NFIC: variants seen among roughly 807,000 people sequenced by gnomAD.
The protein encoded by NFIC is nuclear factor 1 C-type.
NFIC carries 12 observed loss-of-function variants against 54.4 expected under a neutral mutation model. That is an observed-to-expected ratio of 0.22 (90% CI 0.14 to 0.36). NFIC has a LOEUF of 0.36. Ranked by LOEUF, NFIC falls within the 10% of genes least tolerant of loss-of-function variation. The probability of loss-of-function intolerance (pLI) is 1.00; values close to 1 mark genes in which losing one functional copy is unlikely to be tolerated. For synonymous variants in NFIC, 322 were observed against 319.2 expected (o/e 1.01, Z -0.09); for missense variants, 575 against 718.2 (o/e 0.80, Z 2.28).
Position 3,434,937 on chromosome 19 carries a change from T to C in NFIC, c.834-146T>C, listed in dbSNP as rs11879885. ...GAACAGGCGTTCGTAGGGAACGGGC[T>C]GAACGCCCGCGGCTCCCGCGATGTC... On this transcript the variant is annotated intron_variant, in intron 5 of 10. Coordinates refer to ENST00000443272, the MANE Select transcript of NFIC (RefSeq NM_001245002.2). 245 of 1,145,882 alleles carry C rather than the reference T, an allele frequency of 2.1e-4. No homozygotes were observed. The African/African-American group carries it at 3.4e-3, about 16-fold the overall frequency. The allele number at this position is 1,145,882 out of a possible 1,614,324, so 71.0% of individuals were successfully genotyped here. A position where few individuals can be genotyped will look rare whatever the true frequency, so the allele number is the denominator to read the frequency against.
rs755482235 is a variant in NFIC, at chr19:3,366,679, CCCGGCCCCCCG to C, written c.30+19_30+29del. 3.6e-6 allele frequency: 5 copies of C among 1,406,296 alleles called. No individual in the cohort carries two copies. In the South Asian group the frequency reaches 4.9e-5, roughly 14 times the overall value. 87.1% of individuals were successfully genotyped at this position (1,406,296 alleles called of 1,614,324 possible). A position where few individuals can be genotyped will look rare whatever the true frequency, so the allele number is the denominator to read the frequency against. On this transcript the variant is annotated intron_variant, in intron 1 of 10. Coordinates refer to ENST00000443272, the MANE Select transcript of NFIC (RefSeq NM_001245002.2). ...CTGCCTCACCCAGGTACGGTCCTCG[CCCGGCCCCCCG>C]CCGGCGCCCCCGCGCCCCCCGCATC...
chr19:3,381,376 T>C (rs2145473574), intron 1 of NFIC, among the ~76,000 whole-genome samples: 1 of 130,804 alleles, frequency 7.6e-6, no homozygotes, highest in South Asian at 2.5e-4. Flanking sequence ...GCCTTAGCGT[T>C]AAGAGCAAGA....
At chr19:3,396,525 G>A (rs574759661) in intron 2 of NFIC, among the ~76,000 whole-genome samples, 311 of 151,282 alleles carry the variant, frequency 2.1e-3, no homozygotes, top group Non-Finnish European at 2.7e-3. Context: ...ATGGGGCCTC[G>A]GGCACACCCT....
upstream of NFIC, among the ~76,000 whole-genome samples, chr19:3,363,238 T>TGTGTGC (rs1237685097): frequency 9.3e-5 from 6 of 64,606 alleles, no homozygotes; most frequent in Admixed American, 3.2e-4. Flanking sequence ...TGTGTATGTG[T>TGTGTGC]GTGTATATAT....
chr19:3,367,454 A>G (rs1303860683), intron 1 of NFIC, among the ~76,000 whole-genome samples: 1 of 150,920 alleles, frequency 6.6e-6, no homozygotes, highest in African/African-American at 2.4e-5. Context: ...CGCCCTCGCC[A>G]GCCCGGCACC....
intron 1 of NFIC, chr19:3,359,784 G>T: frequency 8.0e-7 from 1 of 1,255,194 alleles, no homozygotes; most frequent in Admixed American, 3.6e-5. Context: ...ACAGGGGGCG[G>T]GGGCCGCCCG....
chr19:3,467,276 C>G lies in NFIC; in HGVS notation c.*4507C>G, dbSNP rs1371367755. The G allele has an allele frequency of 3.5e-5, 5 of 141,780 alleles. No individual in the cohort carries two copies. The highest frequency in any genetic ancestry group is 6.1e-5 in the Non-Finnish European group (4 of 65,936). The allele number at this position is 141,780 out of a possible 1,614,324, so 8.8% of individuals were successfully genotyped here. A position where few individuals can be genotyped will look rare whatever the true frequency, so the allele number is the denominator to read the frequency against. ...ATGCTGTGGGAAAGAATAGGGAGGC[C>G]TCCCAAATATATGCAAATTGTCCCC... is the stretch of plus-strand genomic sequence containing the variant. On this transcript the variant is annotated 3_prime_UTR_variant, in exon 11 of 11. Transcript: ENST00000443272.
In NFIC at chr19:3,453,635, AC is replaced by A; in HGVS notation, c.1270-125del. ...GACCCACCAAACCCGCCATGGTCAC[AC>A]CCGCGCCCTGGCCCCCCAGCCTGCC... On this transcript the variant is annotated intron_variant, in intron 8 of 10. Transcript: ENST00000443272. This position sits in a 1 kb window ranked among gnomAD's most constrained non-coding sequence, Gnocchi z 6.7. 1 of 1,290,716 alleles carries A rather than the reference AC, an allele frequency of 7.7e-7. No homozygotes were observed. The allele number at this position is 1,290,716 out of a possible 1,614,324, so 80.0% of individuals were successfully genotyped here.
rs553137544 is a variant in NFIC, at chr19:3,369,512, C to T, written c.30+2846C>T. The stretch of plus-strand genomic sequence containing the variant: ...GATCCTTCTCGGGAGCCGAGGCTGG[C>T]GGGGGGTGGGGGGCATCTCGGTGCC... On this transcript the variant is annotated intron_variant, in intron 1 of 10. Transcript: ENST00000443272. This position sits in a 1 kb window ranked among gnomAD's most constrained non-coding sequence, Gnocchi z 4.3. 2.6e-5 allele frequency among the ~76,000 whole-genome samples: 4 copies of T among 152,068 alleles called. 1 individual carries two copies. Among genetic ancestry groups the T allele is most frequent in the South Asian group, 4.1e-4 (2 of 4,828 alleles).
intron 2 of NFIC, among the ~76,000 whole-genome samples, chr19:3,414,875 T>C (rs1292630959): frequency 6.6e-6 from 1 of 152,116 alleles, no homozygotes; most frequent in Non-Finnish European, 1.5e-5. Flanking sequence ...AGGCTCGCTC[T>C]GTGGCCCAGG....
chr19:3,438,638 C>T (rs35533339), intron 6 of NFIC, among the ~76,000 whole-genome samples: 48,570 of 151,630 alleles, frequency 0.32, 8,851 homozygotes, highest in East Asian at 0.76. Context: ...GGGGTTTCAC[C>T]GTGTTAGCCA....
chr19:3,380,175 G>GT (rs113586278), intron 1 of NFIC, among the ~76,000 whole-genome samples: 44 of 142,524 alleles, frequency 3.1e-4, no homozygotes, highest in South Asian at 1.1e-3. Context: ...TAATTTTTTT[G>GT]TTTTTTTTTC....
chr19:3,370,559 CTCTG>C lies in NFIC; in HGVS notation c.30+3897_30+3900del, dbSNP rs2080984357. 6.6e-6 allele frequency among the ~76,000 whole-genome samples: 1 copy of C among 150,912 alleles called. No homozygotes were observed. The highest frequency in any genetic ancestry group is 6.6e-5 in the Admixed American group (1 of 15,166). Reference sequence around the variant, plus strand: ...TCTCCTCCTCTCTCCCTCTCTCCTTCTCTGTCTCCCTTTCCGTCTTTCCCTCTTC... The same window carrying C: ...TCTCCTCCTCTCTCCCTCTCTCCTTCTCTCCCTTTCCGTCTTTCCCTCTTC... On this transcript the variant is annotated intron_variant, in intron 1 of 10. Coordinates refer to ENST00000443272, the MANE Select transcript of NFIC (RefSeq NM_001245002.2). This position sits in a 1 kb window ranked among gnomAD's most constrained non-coding sequence, Gnocchi z 5.2.
upstream of NFIC, among the ~76,000 whole-genome samples, chr19:3,364,520 C>T (rs2080857918): frequency 1.3e-5 from 2 of 152,212 alleles, no homozygotes; most frequent in Admixed American, 1.3e-4. Flanking sequence ...GCTGTTCGTA[C>T]ACTTGCAGAA....
chr19:3,419,404 G>A (rs1400119936), intron 2 of NFIC, among the ~76,000 whole-genome samples: 1 of 151,720 alleles, frequency 6.6e-6, no homozygotes. Context: ...AGCCCAGGAG[G>A]TCCAGGCTGC....
At chr19:3,395,835 C>T (rs1599608019) in intron 2 of NFIC, among the ~76,000 whole-genome samples, 2 of 152,098 alleles carry the variant, frequency 1.3e-5, no homozygotes, top group Non-Finnish European at 2.9e-5. Flanking sequence ...CGCGTGCCAC[C>T]ACACCGGCTA....
chr19:3,369,778 C>T lies in NFIC; in HGVS notation c.30+3112C>T, dbSNP rs1251440528. Among the ~76,000 whole-genome samples, 3 of 152,220 alleles carry T rather than the reference C, an allele frequency of 2.0e-5. No individual in the cohort carries two copies. The highest frequency in any genetic ancestry group is 4.4e-5 in the Non-Finnish European group (3 of 68,028). Reference sequence around the variant, plus strand: ...CTCCCTCCCGCTGGCGCCACCGCCACGTTAGTTATTCCGGGTTTGGGGCCA... The same window carrying T: ...CTCCCTCCCGCTGGCGCCACCGCCATGTTAGTTATTCCGGGTTTGGGGCCA... On this transcript the variant is annotated intron_variant, in intron 1 of 10. Transcript: ENST00000443272. The surrounding 1 kb of genome is among the most constrained non-coding windows in gnomAD (Gnocchi z 4.3).
chr19:3,463,527 C>T lies in NFIC; in HGVS notation c.*758C>T, dbSNP rs1170138389. 2.0e-6 allele frequency: 2 copies of T among 984,410 alleles called. No homozygotes were observed. The highest frequency in any genetic ancestry group is 2.3e-4 in the East Asian group (2 of 8,650). The allele number at this position is 984,410 out of a possible 1,614,324, so 61.0% of individuals were successfully genotyped here. The stretch of plus-strand genomic sequence containing the variant: ...GCGGGGCCTCCCCACAAGCCCCTCC[C>T]AAAGCGCCGGCCGACTCGCTGTCTC... On this transcript the variant is annotated 3_prime_UTR_variant, in exon 11 of 11. Coordinates refer to ENST00000443272, the MANE Select transcript of NFIC (RefSeq NM_001245002.2).
At chr19:3,425,214 G>A (rs760988715) in intron 3 of NFIC, 37 bp downstream of exon 3, 203 of 1,585,774 alleles carry the variant, frequency 1.3e-4, no homozygotes, top group Non-Finnish European at 1.7e-4. Context: ...AAGGGCGGAG[G>A]GCGCAGCCCT....
Sources: allele counts gnomAD v4.1 joint callset (sites outside exome capture counted in the v4.1 genomes callset), GRCh38; gene constraint gnomAD v4.1.1; non-coding constraint Gnocchi (gnomAD v3.1); transcripts MANE v1.5; gene names NCBI Gene and HGNC (gene_info 2026-07-23, HGNC 2026-07-21).